The following CNTN5 variants were observed in gnomAD, a reference collection of about 807,000 sequenced individuals.
The protein encoded by CNTN5 is contactin 5, also known as contactin-5.
A neutral mutation model predicts 129.1 loss-of-function variants in CNTN5; 77 were observed. The observed-to-expected ratio is 0.60, with a 90% CI of 0.50 to 0.72. The LOEUF (loss-of-function observed/expected upper bound fraction) is 0.72. Among genes scored for constraint, CNTN5 ranks in the 30% least tolerant of loss-of-function variants. The pLI is 0.00. For missense variants in CNTN5, 1,478 were observed against 1,328.8 expected, an observed-to-expected ratio of 1.11 and a Z score of -1.75; for synonymous variants, 509 against 465.6, an observed-to-expected ratio of 1.09 and a Z score of -1.20.
chr11:99,752,972 C>T (rs571270944), intron 3 of CNTN5, among the ~76,000 whole-genome samples: 1 of 152,168 alleles, frequency 6.6e-6, no homozygotes, highest in East Asian at 1.9e-4. Flanking sequence ...CCTTTACATT[C>T]ATTTGCTTTT....
chr11:99,826,869 G>A (rs979647081), intron 4 of CNTN5, among the ~76,000 whole-genome samples: 1 of 151,984 alleles, frequency 6.6e-6, no homozygotes, highest in Non-Finnish European at 1.5e-5. Flanking sequence ...TAATAATAAA[G>A]TCTCTCTCAT....
chr11:99,257,325 G>C (rs1591432145), intron 1 of CNTN5, among the ~76,000 whole-genome samples: 1 of 152,090 alleles, frequency 6.6e-6, no homozygotes, highest in South Asian at 2.1e-4. Context: ...CAAGCTAAGA[G>C]CATTGCTCAA....
chr11:100,188,086 A>C (rs1343016681), intron 13 of CNTN5, among the ~76,000 whole-genome samples: 1 of 152,212 alleles, frequency 6.6e-6, no homozygotes, highest in Admixed American at 6.5e-5. Flanking sequence ...AAACAATTGA[A>C]CAACTGAAAA....
chr11:99,132,521 A>C (rs754817457), intron 1 of CNTN5, among the ~76,000 whole-genome samples: 11 of 152,190 alleles, frequency 7.2e-5, no homozygotes, highest in Non-Finnish European at 1.3e-4. Context: ...ACTCAGCCCA[A>C]AAGCTTCTTT....
At chr11:99,127,034 T>C (rs938744683) in intron 1 of CNTN5, among the ~76,000 whole-genome samples, 1 of 152,154 alleles carries the variant, frequency 6.6e-6, no homozygotes, top group Non-Finnish European at 1.5e-5. Context: ...TGACTTTTTC[T>C]TTCCTTTTCT....
chr11:100,063,665 A>G (rs1943572168), intron 10 of CNTN5, among the ~76,000 whole-genome samples: 1 of 150,716 alleles, frequency 6.6e-6, no homozygotes, highest in Admixed American at 6.7e-5. Flanking sequence ...AGACCTGAAA[A>G]TTCCAACACT....
At chr11:99,644,753 G>T (rs996236214) in intron 3 of CNTN5, among the ~76,000 whole-genome samples, 3 of 152,044 alleles carry the variant, frequency 2.0e-5, no homozygotes, top group Admixed American at 2.0e-4. Context: ...TGAACATTTA[G>T]CCTAGTAGAT....
chr11:99,883,850 AAAAC>A (rs998116868), intron 6 of CNTN5, among the ~76,000 whole-genome samples: 15 of 152,220 alleles, frequency 9.9e-5, no homozygotes, highest in African/African-American at 3.6e-4. Context: ...ATGTTAATCA[AAAAC>A]AAAGCAAGTC....
chr11:99,422,528 A>T (rs7111452), intron 2 of CNTN5, among the ~76,000 whole-genome samples: 19 of 39,860 alleles, frequency 4.8e-4, no homozygotes, highest in Middle Eastern at 0.026. Flanking sequence ...TTATATATAT[A>T]TATATATATA....
chr11:100,255,866 C>T lies in CNTN5; in HGVS notation c.2112C>T (p.Tyr704=). ...AADNHSPISS[Y]NLQARSPFSL... is the part of the protein sequence containing the mutation. ...ACAACCACAGCCCAATCTCCTCCTA[C>T]AACCTTCAAGCTCGCAGCCCATTTT... Residue 704 remains tyrosine, a synonymous_variant, in exon 17 of 25, where the codon TAC becomes TAT. Transcript: ENST00000524871. 6.2e-7 allele frequency: 1 copy of T among 1,613,932 alleles called. No homozygotes were observed. Among genetic ancestry groups the T allele is most frequent in the Non-Finnish European group, 8.5e-7 (1 of 1,179,874 alleles).
intron 1 of CNTN5, among the ~76,000 whole-genome samples, chr11:99,086,929 C>T (rs187643394): frequency 2.0e-5 from 3 of 152,118 alleles, no homozygotes; most frequent in East Asian, 1.9e-4. Context: ...ATAACAGTAT[C>T]GTGGTGGTAG....
intron 3 of CNTN5, among the ~76,000 whole-genome samples, chr11:99,658,642 C>G (rs1043797255): frequency 6.7e-6 from 1 of 148,502 alleles, no homozygotes; most frequent in African/African-American, 2.4e-5. Context: ...GAGGCTGAGA[C>G]AGGTGGATCA....
At chr11:99,713,257 G>A (rs879233929) in intron 3 of CNTN5, among the ~76,000 whole-genome samples, 1 of 152,006 alleles carries the variant, frequency 6.6e-6, no homozygotes, top group African/African-American at 2.4e-5. Context: ...ATTGTGAATG[G>A]GAGTTCATTC....
At chr11:99,575,855 A>T (rs1404060421) in intron 3 of CNTN5, among the ~76,000 whole-genome samples, 2 of 152,178 alleles carry the variant, frequency 1.3e-5, no homozygotes, top group Non-Finnish European at 2.9e-5. Context: ...CCAGCATAAG[A>T]CATCAGTTAG....
At chr11:100,293,765 G>A (rs1054674614) in intron 18 of CNTN5, among the ~76,000 whole-genome samples, 3 of 151,518 alleles carry the variant, frequency 2.0e-5, no homozygotes, top group Non-Finnish European at 4.4e-5. Flanking sequence ...AACCTTTACC[G>A]TTTGTACATA....
intron 9 of CNTN5, among the ~76,000 whole-genome samples, chr11:100,049,985 G>A (rs1009564153): frequency 2.2e-4 from 33 of 152,286 alleles, no homozygotes; most frequent in African/African-American, 6.3e-4. Flanking sequence ...ACAGGTGCTG[G>A]AGAGGATGTG....
intron 13 of CNTN5, among the ~76,000 whole-genome samples, chr11:100,167,764 G>T (rs1265277574): frequency 1.3e-5 from 2 of 151,896 alleles, no homozygotes; most frequent in African/African-American, 4.8e-5. Context: ...AAGATAGATG[G>T]CAGTAGTGGA....
chr11:99,577,769 A>G (rs997866781), intron 3 of CNTN5, among the ~76,000 whole-genome samples: 5 of 152,062 alleles, frequency 3.3e-5, no homozygotes, highest in Admixed American at 2.0e-4. Flanking sequence ...TTTAAAGATG[A>G]TTCTGCATTT....
At chr11:99,505,187 T>C (rs766234448) in intron 2 of CNTN5, among the ~76,000 whole-genome samples, 2 of 152,202 alleles carry the variant, frequency 1.3e-5, no homozygotes, top group Non-Finnish European at 2.9e-5. Context: ...GCTGGACTTG[T>C]TTAATTTATA....
Sources: gnomAD v4.1 joint callset for allele counts (sites outside exome capture counted in the v4.1 genomes callset) on GRCh38, gnomAD v4.1.1 for gene constraint, MANE v1.5 for transcripts, NCBI Gene and HGNC (gene_info 2026-07-23, HGNC 2026-07-21) for gene names.